SORCS2: variants seen among roughly 807,000 people sequenced by gnomAD.
The protein encoded by SORCS2 is VPS10 domain-containing receptor SorCS2.
Under a neutral mutation model 141.6 loss-of-function variants are expected in SORCS2, and 100 were observed. The ratio of observed to expected loss-of-function variants is 0.71; its 90% confidence interval spans 0.60 to 0.83. The LOEUF is 0.83. Ranked by LOEUF, SORCS2 falls within the 40% of genes least tolerant of loss-of-function variation. SORCS2 has a pLI of 0.00. For missense variants in SORCS2, 1,646 were observed against 1,560.2 expected (o/e 1.05, Z -0.93); for synonymous variants, 789 against 676.9 (o/e 1.17, Z -2.57).
At chr4:7,223,612 G>C (rs16839855) in intron 1 of SORCS2, among the ~76,000 whole-genome samples, 16,196 of 152,180 alleles carry the variant, frequency 0.11, 1,047 homozygotes, top group African/African-American at 0.18. Flanking sequence ...AATGGGGCGT[G>C]TACTCAGTGC....
chr4:7,496,427 G>GC lies in SORCS2; in HGVS notation c.549-35091dup, dbSNP rs1166086025. Among the ~76,000 whole-genome samples, 341 of 35,758 alleles carry GC rather than the reference G, an allele frequency of 9.5e-3. 1 individual carries two copies. Among genetic ancestry groups the GC allele is most frequent in the African/African-American group, 0.02 (302 of 15,048 alleles). The allele number at this position is 35,758 out of a possible 152,430, so 23.5% of individuals were successfully genotyped here. A position where few individuals can be genotyped will look rare whatever the true frequency, so the allele number is the denominator to read the frequency against. On this transcript the variant is annotated intron_variant, in intron 2 of 26. Coordinates refer to ENST00000507866, the MANE Select transcript of SORCS2 (RefSeq NM_020777.3). ...TAGAACTTTCTGGAAAGCTACTGGA[G>GC]CCCCCCCCCCCCACTCCCCACCCGT...
intron 2 of SORCS2, among the ~76,000 whole-genome samples, chr4:7,531,309 G>A (rs1039949467): frequency 6.6e-6 from 1 of 152,170 alleles, no homozygotes; most frequent in Non-Finnish European, 1.5e-5. Flanking sequence ...CTGGACCTAA[G>A]CTCCACACCT....
At chr4:7,496,453 T>TCCCCGTC (rs56866056) in intron 2 of SORCS2, among the ~76,000 whole-genome samples, 2 of 58,288 alleles carry the variant, frequency 3.4e-5, no homozygotes, top group African/African-American at 1.3e-4. Flanking sequence ...CCCCACCCGT[T>TCCCCGTC]CCCCGTCCCC....
rs1236743963 is a variant in SORCS2 at position 7,201,299 on chromosome 4, G to A, written c.480+8173G>A. The stretch of plus-strand genomic sequence containing the variant: ...GTGCGTTGATCAAGAAGCCTGGCTC[G>A]AAGTCATAGAGACAGCCCTGTTAAT... On this transcript the variant is annotated intron_variant, in intron 1 of 26. Transcript: ENST00000507866. This position sits in a 1 kb window ranked among gnomAD's most constrained non-coding sequence, Gnocchi z 4.4. Among the ~76,000 whole-genome samples the A allele has an allele frequency of 6.6e-6, 1 of 152,180 alleles. No homozygotes were observed. The highest frequency in any genetic ancestry group is 2.4e-5 in the African/African-American group (1 of 41,452).
At chr4:7,204,243 T>G (rs1197176406) in intron 1 of SORCS2, among the ~76,000 whole-genome samples, 2 of 152,076 alleles carry the variant, frequency 1.3e-5, no homozygotes, top group Non-Finnish European at 2.9e-5. Flanking sequence ...TGAGACTGGG[T>G]CTTGCTCTGT....
At chr4:7,242,539 ATCCCCAAGCCCGTCTCT>A (rs1215093743) in intron 1 of SORCS2, among the ~76,000 whole-genome samples, 1 of 151,840 alleles carries the variant, frequency 6.6e-6, no homozygotes, top group Non-Finnish European at 1.5e-5. Context: ...TCACTGCGTC[ATCCCCAAGCCCGTCTCT>A]TCCCCTTCCT....
At chr4:7,332,632 ACT>A (rs1230948030) in intron 1 of SORCS2, among the ~76,000 whole-genome samples, 6 of 152,060 alleles carry the variant, frequency 3.9e-5, no homozygotes, top group African/African-American at 1.4e-4. Context: ...AGGACTCAAA[ACT>A]CACCCAATCC....
chr4:7,703,838 A>T (rs1435967928), intron 13 of SORCS2, among the ~76,000 whole-genome samples: 1 of 152,140 alleles, frequency 6.6e-6, no homozygotes, highest in East Asian at 1.9e-4. Flanking sequence ...TGAAAAAGAG[A>T]TTACTCAACT....
rs540129154 is a variant in SORCS2 at position 7,501,592 on chromosome 4, C to G, written c.549-29938C>G. Among the ~76,000 whole-genome samples the G allele has an allele frequency of 2.6e-5, 4 of 152,336 alleles. No homozygotes were observed. In the South Asian group the frequency reaches 6.2e-4, roughly 24 times the overall value. On this transcript the variant is annotated intron_variant, in intron 2 of 26. Coordinates refer to ENST00000507866, the MANE Select transcript of SORCS2 (RefSeq NM_020777.3). ...CCAAATACATCAAACTGAACCCTGG[C>G]AAGGCAGAGGCTTCTCGCACCCGGT...
chr4:7,706,171 G>T (rs560466423), intron 14 of SORCS2, among the ~76,000 whole-genome samples: 1 of 129,230 alleles, frequency 7.7e-6, no homozygotes, highest in Non-Finnish European at 1.7e-5. Flanking sequence ...CGTCTGGGCA[G>T]GGATGAGGCT....
chr4:7,299,813 G>C (rs1717319723), intron 1 of SORCS2, among the ~76,000 whole-genome samples: 1 of 152,172 alleles, frequency 6.6e-6, no homozygotes, highest in Non-Finnish European at 1.5e-5. Flanking sequence ...GGACCCCTGA[G>C]CTCTCTGTGT....
chr4:7,349,609 C>T (rs1280395412), intron 1 of SORCS2, among the ~76,000 whole-genome samples: 1 of 152,192 alleles, frequency 6.6e-6, no homozygotes, highest in Admixed American at 6.5e-5. Flanking sequence ...CTGGCATGTC[C>T]TTCGCCACCC....
intron 1 of SORCS2, among the ~76,000 whole-genome samples, chr4:7,257,124 GTGAATCTTGGCCGGGCT>G (rs533096254): frequency 0.013 from 1,933 of 152,272 alleles, 28 homozygotes; most frequent in Middle Eastern, 0.024. Context: ...ATTAGAATGT[GTGAATCTTGGCCGGGCT>G]CCCTCGGGCC....
In SORCS2 at chr4:7,725,240, A is replaced by T. The variant is rs1303467137; in HGVS notation, c.2698A>T (p.Asn900Tyr). The T allele has an allele frequency of 6.2e-7, 1 of 1,613,412 alleles. No homozygotes were observed. The highest frequency in any genetic ancestry group is 8.5e-7 in the Non-Finnish European group (1 of 1,179,652). The change falls in exon 20 of 27, where the codon AAC (asparagine) becomes TAC (tyrosine). Residue 900 changes from asparagine to tyrosine, a missense_variant. Asn to Tyr is a moderately radical substitution (Grantham distance 143). Coordinates refer to ENST00000507866, the MANE Select transcript of SORCS2 (RefSeq NM_020777.3). The stretch of plus-strand genomic sequence containing the variant: ...CCTCACAGCTGTGCTGCTTCCCTTG[A>T]ACCCTAACCTCACCGTCTTCTACTG... ...VNLTAVLLPLNPNLTVFYWWI... is the reference protein window; with the variant it reads ...VNLTAVLLPLYPNLTVFYWWI...
At chr4:7,724,567 G>T (rs866382393) in intron 19 of SORCS2, among the ~76,000 whole-genome samples, 2 of 112,548 alleles carry the variant, frequency 1.8e-5, no homozygotes, top group South Asian at 7.3e-4. Flanking sequence ...ATGGATGGTG[G>T]TGGTGATGGT....
At chr4:7,390,127 G>C (rs984205932) in intron 1 of SORCS2, among the ~76,000 whole-genome samples, 3 of 152,208 alleles carry the variant, frequency 2.0e-5, no homozygotes, top group East Asian at 1.9e-4. Context: ...CGGGCTTTCA[G>C]GGGCCTTGGA....
chr4:7,473,067 C>G (rs114527937), intron 2 of SORCS2, among the ~76,000 whole-genome samples: 1 of 151,686 alleles, frequency 6.6e-6, no homozygotes, highest in African/African-American at 2.4e-5. Flanking sequence ...TATCGGCCGA[C>G]CTTCCTTGTG....
chr4:7,587,003 G>C lies in SORCS2; in HGVS notation c.649-51325G>C, dbSNP rs933189035. 2.3e-4 allele frequency among the ~76,000 whole-genome samples: 35 copies of C among 152,070 alleles called. No homozygotes were observed. In the South Asian group the frequency reaches 2.7e-3, roughly 12 times the overall value. On this transcript the variant is annotated intron_variant, in intron 3 of 26. Coordinates refer to ENST00000507866, the MANE Select transcript of SORCS2 (RefSeq NM_020777.3). Reference sequence around the variant, plus strand: ...GTACATGCAGGAGAGTGACAGAGAAGCAGACGTCAGCTAAAAATTAAGAAT... The same window carrying C: ...GTACATGCAGGAGAGTGACAGAGAACCAGACGTCAGCTAAAAATTAAGAAT...
At chr4:7,203,118 G>A (rs1181074854) in intron 1 of SORCS2, among the ~76,000 whole-genome samples, 1 of 152,210 alleles carries the variant, frequency 6.6e-6, no homozygotes, top group Non-Finnish European at 1.5e-5. Flanking sequence ...CTTCACTCTT[G>A]AGCCTGAGTT....
Sources: gnomAD v4.1 joint callset for allele counts (sites outside exome capture counted in the v4.1 genomes callset) on GRCh38, gnomAD v4.1.1 for gene constraint, Gnocchi (gnomAD v3.1) non-coding constraint, MANE v1.5 for transcripts, NCBI Gene and HGNC (gene_info 2026-07-23, HGNC 2026-07-21) for gene names.